The following CADPS variants were observed in gnomAD, a reference collection of about 807,000 sequenced individuals.
CADPS encodes calcium-dependent secretion activator 1.
Under a neutral mutation model 167.3 loss-of-function variants are expected in CADPS, and 57 were observed. The ratio of observed to expected loss-of-function variants is 0.34; its 90% confidence interval spans 0.28 to 0.42. The LOEUF is 0.42. CADPS is among the 20% of genes least tolerant of loss of function. The probability of loss-of-function intolerance (pLI) is 1.00; values close to 1 mark genes in which losing one functional copy is unlikely to be tolerated. For missense variants in CADPS, 1,414 were observed against 1,738.1 expected (o/e 0.81, Z 3.32); for synonymous variants, 676 against 635.3 (o/e 1.06, Z -0.96).
intron 3 of CADPS, among the ~76,000 whole-genome samples, chr3:62,750,440 A>G (rs1401933988): frequency 6.6e-6 from 1 of 151,760 alleles, no homozygotes; most frequent in Non-Finnish European, 1.5e-5. Context: ...GTACTCGGAA[A>G]TGGCAAAGAT....
At chr3:62,774,311 C>G (rs2089726594) in intron 1 of CADPS, among the ~76,000 whole-genome samples, 1 of 151,856 alleles carries the variant, frequency 6.6e-6, no homozygotes, top group Non-Finnish European at 1.5e-5. Context: ...ATTTTTCCAA[C>G]TTGGAGGCAC....
rs1450091815 is a variant in CADPS, at chr3:62,403,423, T to A, written c.3778-238A>T. On this transcript the variant is annotated intron_variant, in intron 28 of 29. Transcript: ENST00000383710. ...AGACAGTTAGGACTTCGAATCTAAT[T>A]GAACTCTTCCACGACAGACATTTCC... 9.2e-5 allele frequency: 29 copies of A among 314,132 alleles called. 1 individual carries two copies. The Admixed American group carries it at 1.4e-3, about 15-fold the overall frequency. The allele number at this position is 314,132 out of a possible 1,614,324, so 19.5% of individuals were successfully genotyped here.
chr3:62,588,342 A>G (rs1229169147), intron 7 of CADPS, among the ~76,000 whole-genome samples: 2 of 130,542 alleles, frequency 1.5e-5, no homozygotes, highest in Non-Finnish European at 3.3e-5. Context: ...ACATTGCACT[A>G]TAATTTCTGT....
At chr3:62,558,682 C>T (rs1382220833) in intron 9 of CADPS, among the ~76,000 whole-genome samples, 1 of 152,128 alleles carries the variant, frequency 6.6e-6, no homozygotes, top group Admixed American at 6.5e-5. Context: ...GCTTGAGGGT[C>T]CCAGTGGAGA....
chr3:62,744,178 A>G (rs2080943389), intron 3 of CADPS, among the ~76,000 whole-genome samples: 1 of 152,174 alleles, frequency 6.6e-6, no homozygotes, highest in African/African-American at 2.4e-5. Context: ...CATATAAAGT[A>G]TTAGGCTTAC....
In CADPS at chr3:62,555,575, C is replaced by A. The variant is rs190482228; in HGVS notation, c.1753+1830G>T. On this transcript the variant is annotated intron_variant, in intron 10 of 29. Coordinates refer to ENST00000383710, the MANE Select transcript of CADPS (RefSeq NM_003716.4). ...TCATTTACAAAATGGGGTAATGATC[C>A]TGGTCTTATCCACTTTGTGGGATTA... Among the ~76,000 whole-genome samples, 447 of 152,300 alleles carry A rather than the reference C, an allele frequency of 2.9e-3. 2 individuals carry two copies. Among genetic ancestry groups the A allele is most frequent in the African/African-American group, 9.8e-3 (406 of 41,568 alleles).
chr3:62,843,066 T>A (rs1361165290), intron 1 of CADPS, among the ~76,000 whole-genome samples: 1 of 138,816 alleles, frequency 7.2e-6, no homozygotes, highest in African/African-American at 2.4e-5. Context: ...AGCTCTGGTA[T>A]AATTTTTTTT....
intron 28 of CADPS, among the ~76,000 whole-genome samples, chr3:62,430,117 T>C (rs1262408230): frequency 6.6e-6 from 1 of 152,220 alleles, no homozygotes; most frequent in Non-Finnish European, 1.5e-5. Flanking sequence ...TGGATAGTAA[T>C]AACCCATTTA....
intron 1 of CADPS, among the ~76,000 whole-genome samples, chr3:62,794,501 C>A (rs1413801304): frequency 6.6e-6 from 1 of 152,040 alleles, no homozygotes; most frequent in Admixed American, 6.6e-5. Context: ...AGGTAGTGTT[C>A]GAACTCAGGA....
At chr3:62,620,731 T>A in intron 6 of CADPS, among the ~76,000 whole-genome samples, 1 of 152,176 alleles carries the variant, frequency 6.6e-6, no homozygotes, top group Non-Finnish European at 1.5e-5. Context: ...GGAGTGGAAC[T>A]GGCATTCAGC....
chr3:62,513,986 GA>G (rs1403508074), intron 16 of CADPS, among the ~76,000 whole-genome samples: 1 of 151,922 alleles, frequency 6.6e-6, no homozygotes, highest in Non-Finnish European at 1.5e-5. Context: ...TGAGTAAAGG[GA>G]AACAAAATTT....
chr3:62,486,528 T>C (rs993637715), intron 21 of CADPS, among the ~76,000 whole-genome samples: 1 of 152,066 alleles, frequency 6.6e-6, no homozygotes, highest in Non-Finnish European at 1.5e-5. Flanking sequence ...TATGCATATC[T>C]GAGGCAGAGT....
intron 1 of CADPS, among the ~76,000 whole-genome samples, chr3:62,863,645 G>T (rs2081201734): frequency 6.6e-6 from 1 of 152,170 alleles, no homozygotes; most frequent in Non-Finnish European, 1.5e-5. Flanking sequence ...CATGGATGGG[G>T]AGCAAAGATC....
At chr3:62,660,755 C>T (rs922772322) in intron 4 of CADPS, among the ~76,000 whole-genome samples, 1 of 152,148 alleles carries the variant, frequency 6.6e-6, no homozygotes, top group Non-Finnish European at 1.5e-5. Context: ...GAGCCTGATG[C>T]TATTTACAAT....
At chr3:62,730,253 CCACATCTCCTGGGG>C (rs1271330676) in intron 3 of CADPS, among the ~76,000 whole-genome samples, 2 of 152,132 alleles carry the variant, frequency 1.3e-5, no homozygotes, top group Non-Finnish European at 2.9e-5. Flanking sequence ...TTAGCCCCTC[CCACATCTCCTGGGG>C]ATGTGTGACA....
At chr3:62,711,083 T>C (rs1018191441) in intron 3 of CADPS, among the ~76,000 whole-genome samples, 1 of 152,230 alleles carries the variant, frequency 6.6e-6, no homozygotes, top group Non-Finnish European at 1.5e-5. Flanking sequence ...AATTCCTCAG[T>C]ACAGTCCTAT....
intron 17 of CADPS, among the ~76,000 whole-genome samples, chr3:62,509,015 T>C (rs2067206016): frequency 1.3e-5 from 2 of 151,610 alleles, no homozygotes; most frequent in East Asian, 3.9e-4. Flanking sequence ...ACAAAAAGGA[T>C]GGAAAGGCTG....
At chr3:62,803,676 T>C (rs2093916222) in intron 1 of CADPS, among the ~76,000 whole-genome samples, 2 of 152,092 alleles carry the variant, frequency 1.3e-5, no homozygotes, top group South Asian at 4.2e-4. Context: ...TGAATGTGAG[T>C]GTTAGCATTG....
At chr3:62,542,362 CAA>C (rs2075821348) in intron 11 of CADPS, among the ~76,000 whole-genome samples, 1 of 152,084 alleles carries the variant, frequency 6.6e-6, no homozygotes, top group African/African-American at 2.4e-5. Flanking sequence ...CTTGACAGTA[CAA>C]GAGTGAATGT....
Sources: gnomAD v4.1 joint callset for allele counts (sites outside exome capture counted in the v4.1 genomes callset) on GRCh38, gnomAD v4.1.1 for gene constraint, MANE v1.5 for transcripts, NCBI Gene and HGNC (gene_info 2026-07-23, HGNC 2026-07-21) for gene names.